The following GALNT13 variants were observed in gnomAD, a reference collection of about 807,000 sequenced individuals.
GALNT13 encodes polypeptide N-acetylgalactosaminyltransferase 13.
In GALNT13, 28 loss-of-function variants were observed where a neutral mutation model predicts 64.2. That is an observed-to-expected ratio of 0.44 (90% CI 0.32 to 0.60). The LOEUF (loss-of-function observed/expected upper bound fraction) is 0.60, where lower values mean the gene tolerates loss of function less well. Ranked by LOEUF, GALNT13 falls within the 20% of genes least tolerant of loss-of-function variation. The pLI is 0.05. For synonymous variants in GALNT13, 214 were observed against 224.6 expected (o/e 0.95, Z 0.42); for missense variants, 577 against 669.8 (o/e 0.86, Z 1.53).
Position 153,915,930 on chromosome 2 carries a change from T to C in GALNT13, c.-105+14923T>C, listed in dbSNP as rs116892085. ...CATTACTCTTAGTTGTAAAGGAGAC[T>C]GTTGCACGTAGTGTTGTAGCTGCAC... On this transcript the variant is annotated intron_variant, in intron 2 of 12. Coordinates refer to ENST00000392825, the MANE Select transcript of GALNT13 (RefSeq NM_052917.4). Among the ~76,000 whole-genome samples, 193 of 152,328 alleles carry C rather than the reference T, an allele frequency of 1.3e-3. 2 individuals carry two copies. The East Asian group carries it at 0.025, about 19-fold the overall frequency.
chr2:153,176,958 T>G, the GALNT13 span, among the ~76,000 whole-genome samples: 1 of 152,128 alleles, frequency 6.6e-6, no homozygotes, highest in Non-Finnish European at 1.5e-5. Context: ...AGAAATATTT[T>G]TTTAGACAAC....
chr2:153,901,190 CT>C (rs1162790624), intron 2 of GALNT13, among the ~76,000 whole-genome samples, 183 bp downstream of exon 2: 2 of 152,082 alleles, frequency 1.3e-5, no homozygotes, highest in African/African-American at 2.4e-5. Flanking sequence ...TTCTGTGTGT[CT>C]CTTTTTGTAT....
chr2:153,413,009 A>C, the GALNT13 span, among the ~76,000 whole-genome samples: 1 of 152,306 alleles, frequency 6.6e-6, no homozygotes, highest in East Asian at 1.9e-4. Context: ...GAAGACCATG[A>C]GGTATTATAC....
intron 8 of GALNT13, among the ~76,000 whole-genome samples, chr2:154,274,033 A>T (rs1237295785): frequency 1.3e-5 from 2 of 152,130 alleles, no homozygotes; most frequent in Non-Finnish European, 2.9e-5. Flanking sequence ...CATTTGCATT[A>T]TACTTCAGAT....
intron 3 of GALNT13, among the ~76,000 whole-genome samples, chr2:154,002,791 T>A (rs1019398854): frequency 1.8e-4 from 28 of 152,160 alleles, no homozygotes; most frequent in Non-Finnish European, 3.7e-4. Flanking sequence ...GGTTTTAGAC[T>A]TTTACCAATT....
At chr2:154,263,223 C>T (rs1310996211) in intron 8 of GALNT13, among the ~76,000 whole-genome samples, 1 of 152,200 alleles carries the variant, frequency 6.6e-6, no homozygotes, top group African/African-American at 2.4e-5. Flanking sequence ...CTGGCACTTA[C>T]CATCTGTGTA....
chr2:154,020,202 T>A (rs1456023939), intron 3 of GALNT13, among the ~76,000 whole-genome samples: 18 of 152,314 alleles, frequency 1.2e-4, no homozygotes, highest in African/African-American at 4.1e-4. Flanking sequence ...TATAATCCTT[T>A]GGGTATATAC....
intron 3 of GALNT13, among the ~76,000 whole-genome samples, chr2:154,038,764 G>C (rs1196886705): frequency 6.6e-6 from 1 of 151,968 alleles, no homozygotes; most frequent in East Asian, 1.9e-4. Flanking sequence ...CAGCAAAAGG[G>C]ACATTATAAG....
the GALNT13 span, among the ~76,000 whole-genome samples, chr2:153,154,386 C>CTT: frequency 6.6e-6 from 1 of 152,158 alleles, no homozygotes; most frequent in South Asian, 2.1e-4. Flanking sequence ...ACTGTGAGTC[C>CTT]ATTAAGTCTC....
intron 3 of GALNT13, among the ~76,000 whole-genome samples, chr2:154,021,139 C>T (rs1428536842): frequency 3.3e-5 from 5 of 152,156 alleles, no homozygotes. Context: ...TAGCGTGATG[C>T]CTCCAGCTTT....
chr2:154,368,616 C>G (rs1697504836), intron 9 of GALNT13, among the ~76,000 whole-genome samples: 2 of 152,162 alleles, frequency 1.3e-5, no homozygotes, highest in African/African-American at 4.8e-5. Flanking sequence ...GGTTTGTCAT[C>G]TCTTAATTCT....
At chr2:153,349,527 A>G in the GALNT13 span, among the ~76,000 whole-genome samples, 1 of 152,198 alleles carries the variant, frequency 6.6e-6, no homozygotes, top group Non-Finnish European at 1.5e-5. Flanking sequence ...GCCTACAGGA[A>G]GAGGAAGACA....
chr2:154,101,948 A>G (rs1166511097), intron 3 of GALNT13, among the ~76,000 whole-genome samples: 1 of 152,062 alleles, frequency 6.6e-6, no homozygotes. Context: ...ACTTTTTTGA[A>G]TTTTAAGAGT....
the GALNT13 span, among the ~76,000 whole-genome samples, chr2:153,682,722 T>G: frequency 6.6e-6 from 1 of 151,768 alleles, no homozygotes; most frequent in Non-Finnish European, 1.5e-5. Context: ...CAAAATTATT[T>G]GATGTTTATG....
At chr2:153,572,443 T>C in the GALNT13 span, among the ~76,000 whole-genome samples, 20 of 151,786 alleles carry the variant, frequency 1.3e-4, no homozygotes, top group African/African-American at 4.6e-4. Context: ...ATTTTATTTA[T>C]TTCTGCCCTG....
At chr2:153,464,642 C>T in the GALNT13 span, among the ~76,000 whole-genome samples, 7 of 151,996 alleles carry the variant, frequency 4.6e-5, no homozygotes, top group Non-Finnish European at 2.9e-5. Flanking sequence ...GATGACAATG[C>T]TGATTGCAGT....
the GALNT13 span, among the ~76,000 whole-genome samples, chr2:153,224,740 A>G: frequency 6.6e-6 from 1 of 152,194 alleles, no homozygotes; most frequent in African/African-American, 2.4e-5. Context: ...ACGCAATTTG[A>G]TAACTTAGAT....
At chr2:154,132,755 C>T (rs747795274) in intron 3 of GALNT13, among the ~76,000 whole-genome samples, 1 of 151,890 alleles carries the variant, frequency 6.6e-6, no homozygotes, top group Non-Finnish European at 1.5e-5. Flanking sequence ...ATTAGCTGGG[C>T]GTGCTTGTGC....
the GALNT13 span, among the ~76,000 whole-genome samples, chr2:153,422,516 G>T: frequency 5.3e-5 from 8 of 152,086 alleles, no homozygotes; most frequent in Non-Finnish European, 5.9e-5. Context: ...TTAAAAATTT[G>T]TCATGAGAGT....
Sources: allele counts gnomAD v4.1 joint callset (sites outside exome capture counted in the v4.1 genomes callset), GRCh38; gene constraint gnomAD v4.1.1; transcripts MANE v1.5; gene names NCBI Gene and HGNC (gene_info 2026-07-23, HGNC 2026-07-21).